RETREG1: variants seen among roughly 807,000 people sequenced by gnomAD.
RETREG1 encodes reticulophagy regulator 1.
In RETREG1, 44 loss-of-function variants were observed where a neutral mutation model predicts 54.8. The observed-to-expected ratio is 0.80, with a 90% confidence interval of 0.63 to 1.03. The LOEUF (loss-of-function observed/expected upper bound fraction) is 1.03. RETREG1 is among the 50% of genes least tolerant of loss of function. The pLI is 0.00. For missense variants in RETREG1, 554 were observed against 605.1 expected (o/e 0.92, Z 0.89); for synonymous variants, 217 against 238.5 (o/e 0.91, Z 0.83).
chr5:16,575,323 C>T (rs866861778), intron 1 of RETREG1, among the ~76,000 whole-genome samples: 5 of 152,288 alleles, frequency 3.3e-5, no homozygotes, highest in Middle Eastern at 3.4e-3. Context: ...ACAGAACCTG[C>T]AAATGTTCGA....
intron 3 of RETREG1, among the ~76,000 whole-genome samples, chr5:16,528,990 G>T (rs1436920547): frequency 1.3e-5 from 2 of 152,138 alleles, no homozygotes; most frequent in African/African-American, 2.4e-5. Context: ...TACATATTTT[G>T]AAATTGAGTA....
intron 3 of RETREG1, among the ~76,000 whole-genome samples, chr5:16,512,318 G>A (rs1740203463): frequency 6.6e-6 from 1 of 152,128 alleles, no homozygotes; most frequent in Non-Finnish European, 1.5e-5. Flanking sequence ...ACTATGCCTT[G>A]GCTGGGTGTC....
At chr5:16,534,407 G>A (rs969543680) in intron 3 of RETREG1, among the ~76,000 whole-genome samples, 5 of 152,344 alleles carry the variant, frequency 3.3e-5, no homozygotes, top group African/African-American at 7.2e-5. Flanking sequence ...CCACTGCCTG[G>A]AGCAGTGTGT....
intron 3 of RETREG1, among the ~76,000 whole-genome samples, chr5:16,530,506 A>G (rs1306166651): frequency 6.6e-6 from 1 of 152,218 alleles, no homozygotes; most frequent in East Asian, 1.9e-4. Flanking sequence ...ATCTGATGAG[A>G]AAGTAATCAT....
intron 3 of RETREG1, among the ~76,000 whole-genome samples, chr5:16,505,490 C>T (rs1162313521): frequency 2.6e-5 from 4 of 152,176 alleles, no homozygotes; most frequent in African/African-American, 4.8e-5. Flanking sequence ...CTCCTGGCAC[C>T]GCAGCTGGCT....
At chr5:16,489,656 T>A (rs1356542216) in intron 3 of RETREG1, among the ~76,000 whole-genome samples, 3 of 152,218 alleles carry the variant, frequency 2.0e-5, no homozygotes, top group Non-Finnish European at 4.4e-5. Context: ...ACATTAACTG[T>A]CACCATTCCT....
intron 3 of RETREG1, among the ~76,000 whole-genome samples, chr5:16,498,009 T>C (rs1389206973): frequency 6.6e-6 from 1 of 152,226 alleles, no homozygotes; most frequent in African/African-American, 2.4e-5. Flanking sequence ...AGCAAGCAAG[T>C]CAATTCATTC....
intron 1 of RETREG1, among the ~76,000 whole-genome samples, chr5:16,592,786 C>T (rs922423589): frequency 2.6e-5 from 4 of 151,930 alleles, no homozygotes; most frequent in Non-Finnish European, 5.9e-5. Context: ...GGCAAACTAA[C>T]GCAGGAACAG....
At chr5:16,530,729 T>C (rs1300986903) in intron 3 of RETREG1, among the ~76,000 whole-genome samples, 2 of 152,000 alleles carry the variant, frequency 1.3e-5, no homozygotes, top group Non-Finnish European at 2.9e-5. Context: ...AAAAATTAGC[T>C]GGGTGTGGAG....
intron 3 of RETREG1, among the ~76,000 whole-genome samples, chr5:16,558,177 C>T (rs1448340159): frequency 1.3e-5 from 2 of 152,128 alleles, no homozygotes; most frequent in African/African-American, 2.4e-5. Context: ...GGAAAACTGC[C>T]TGAGCCCAGG....
At position 16,608,355 on chromosome 5, in the gene RETREG1, G is replaced by GTC. The variant is rs751038244; in HGVS notation, c.320+8295_320+8296dup. ...CAGACCCTCAGTGTGAGTCAGGAGA[G>GTC]TCTCTCCATCCTGACAACATCCAGT... On this transcript the variant is annotated intron_variant, in intron 1 of 8. Coordinates refer to ENST00000306320, the MANE Select transcript of RETREG1 (RefSeq NM_001034850.3). Among the ~76,000 whole-genome samples, 275 of 152,288 alleles carry GTC rather than the reference G, an allele frequency of 1.8e-3. 2 individuals carry two copies. Among genetic ancestry groups the GTC allele is most frequent in the Non-Finnish European group, 3.1e-3 (214 of 68,034 alleles).
chr5:16,506,080 T>C (rs1199958977), intron 3 of RETREG1, among the ~76,000 whole-genome samples: 2 of 152,244 alleles, frequency 1.3e-5, no homozygotes, highest in South Asian at 4.1e-4. Flanking sequence ...TTGGTGAATA[T>C]CAAATGGTGC....
chr5:16,550,159 C>T (rs548674046), intron 3 of RETREG1, among the ~76,000 whole-genome samples: 2 of 152,168 alleles, frequency 1.3e-5, no homozygotes, highest in East Asian at 3.9e-4. Context: ...GAGGATACTA[C>T]ACCATGACAC....
intron 3 of RETREG1, among the ~76,000 whole-genome samples, chr5:16,490,556 A>G (rs1739204106): frequency 6.6e-6 from 1 of 152,208 alleles, no homozygotes; most frequent in African/African-American, 2.4e-5. Flanking sequence ...ACAGCATCTT[A>G]TAAACTTACT....
chr5:16,478,425 C>A (rs1223204367), intron 6 of RETREG1, among the ~76,000 whole-genome samples: 1 of 152,122 alleles, frequency 6.6e-6, no homozygotes, highest in Non-Finnish European at 1.5e-5. Flanking sequence ...GCCTAGCAAT[C>A]TGTCCTTTAA....
At chr5:16,491,859 CGAAAGAAAG>C (rs1260525531) in intron 3 of RETREG1, among the ~76,000 whole-genome samples, 6 of 151,910 alleles carry the variant, frequency 3.9e-5, no homozygotes, top group African/African-American at 7.3e-5. Flanking sequence ...CCTGTCTCTA[CGAAAGAAAG>C]GAAAGAAAGG....
At chr5:16,540,939 G>T (rs1741223616) in intron 3 of RETREG1, among the ~76,000 whole-genome samples, 1 of 152,144 alleles carries the variant, frequency 6.6e-6, no homozygotes, top group African/African-American at 2.4e-5. Flanking sequence ...GAAAAGCATG[G>T]ATTCAGTCAA....
Position 16,505,033 on chromosome 5 carries a change from T to A in RETREG1, c.459-21561A>T, listed in dbSNP as rs1398084387. Among the ~76,000 whole-genome samples the A allele has an allele frequency of 2.6e-5, 4 of 152,172 alleles. No homozygotes were observed. The East Asian group carries it at 7.7e-4, about 29-fold the overall frequency. ...TCTTTTAAACTTCCAAGAATAAAATTTAGTGCAATTACGAATGACGTTTCG... is the reference window on the plus strand; with the variant it reads ...TCTTTTAAACTTCCAAGAATAAAATATAGTGCAATTACGAATGACGTTTCG... On this transcript the variant is annotated intron_variant, in intron 3 of 8. Coordinates refer to ENST00000306320, the MANE Select transcript of RETREG1 (RefSeq NM_001034850.3).
intron 3 of RETREG1, among the ~76,000 whole-genome samples, chr5:16,528,399 C>T (rs1380346436): frequency 1.3e-5 from 2 of 152,110 alleles, no homozygotes; most frequent in Non-Finnish European, 2.9e-5. Context: ...ACAAGCTTTA[C>T]CTGGACCTTG....
Sources: gnomAD v4.1 joint callset for allele counts (sites outside exome capture counted in the v4.1 genomes callset) on GRCh38, gnomAD v4.1.1 for gene constraint, MANE v1.5 for transcripts, NCBI Gene and HGNC (gene_info 2026-07-23, HGNC 2026-07-21) for gene names.